Variants in CADM2 observed in about 807,000 individuals in gnomAD.
CADM2 encodes cell adhesion molecule 2, also known as immunoglobulin superfamily member 4D.
CADM2 carries 12 observed loss-of-function variants against 49.8 expected under a neutral mutation model. The ratio of observed to expected loss-of-function variants is 0.24; its 90% CI spans 0.15 to 0.39. The LOEUF (loss-of-function observed/expected upper bound fraction) is 0.39. Ranked by LOEUF, CADM2 falls within the 10% of genes least tolerant of loss-of-function variation. The pLI is 1.00. For synonymous variants in CADM2, 214 were observed against 175.4 expected, an observed-to-expected ratio of 1.22 and a Z score of -1.74; for missense variants, 378 against 492.3, an observed-to-expected ratio of 0.77 and a Z score of 2.20.
intron 5 of CADM2, among the ~76,000 whole-genome samples, chr3:85,910,192 A>T (rs1717398940): frequency 6.6e-6 from 1 of 152,190 alleles, no homozygotes. Flanking sequence ...TATAAAAAGT[A>T]AACAACCAGC....
chr3:85,144,096 C>G (rs546304187), intron 1 of CADM2, among the ~76,000 whole-genome samples: 2 of 152,180 alleles, frequency 1.3e-5, no homozygotes, highest in East Asian at 3.9e-4. Flanking sequence ...TTCTACTGCA[C>G]CAAAAACGTT....
intron 3 of CADM2, among the ~76,000 whole-genome samples, chr3:85,867,067 C>A (rs949255894): frequency 2.0e-5 from 3 of 151,900 alleles, no homozygotes; most frequent in Admixed American, 2.0e-4. Flanking sequence ...ACTATAAATT[C>A]CCTTATTATT....
rs139991757 is a variant in CADM2 at position 85,765,324 on chromosome 3, T to C, written c.89-36723T>C. Among the ~76,000 whole-genome samples, 226 of 152,232 alleles carry C rather than the reference T, an allele frequency of 1.5e-3. 1 individual carries two copies. Among genetic ancestry groups the C allele is most frequent in the African/African-American group, 5.1e-3 (213 of 41,584 alleles). On this transcript the variant is annotated intron_variant, in intron 2 of 9. Transcript: ENST00000383699. ...TAAAATATTAAACCTTTCGAACTCC[T>C]GCTTAATTGAGGATTCATTAATGTT...
At chr3:85,243,224 TTTAA>T (rs1443208423) in intron 1 of CADM2, among the ~76,000 whole-genome samples, 2 of 151,958 alleles carry the variant, frequency 1.3e-5, no homozygotes, top group Non-Finnish European at 2.9e-5. Flanking sequence ...TACATTTGAT[TTTAA>T]TTAGTTGTTA....
intron 1 of CADM2, among the ~76,000 whole-genome samples, chr3:85,297,069 T>G (rs1293463624): frequency 6.6e-6 from 1 of 152,088 alleles, no homozygotes; most frequent in African/African-American, 2.4e-5. Flanking sequence ...CTTATAAATC[T>G]TTGTATACTC....
At chr3:85,369,964 T>C (rs1400595265) in intron 1 of CADM2, among the ~76,000 whole-genome samples, 3 of 151,578 alleles carry the variant, frequency 2.0e-5, no homozygotes, top group Non-Finnish European at 4.4e-5. Flanking sequence ...AAAGAGATGT[T>C]TTTAATTAAA....
intron 1 of CADM2, among the ~76,000 whole-genome samples, chr3:85,044,222 A>T (rs2035558714): frequency 6.6e-6 from 1 of 152,198 alleles, no homozygotes; most frequent in Non-Finnish European, 1.5e-5. Context: ...ATGGGTGAGA[A>T]GAAGCATGTT....
At chr3:85,223,596 A>C (rs1293982475) in intron 1 of CADM2, among the ~76,000 whole-genome samples, 1 of 151,910 alleles carries the variant, frequency 6.6e-6, no homozygotes, top group Non-Finnish European at 1.5e-5. Context: ...TTTATGTTTT[A>C]TTTTTATTTT....
intron 8 of CADM2, among the ~76,000 whole-genome samples, chr3:86,040,885 G>C (rs914971615): frequency 1.3e-5 from 2 of 152,146 alleles, no homozygotes; most frequent in Non-Finnish European, 2.9e-5. Flanking sequence ...CTGATCTCTT[G>C]GCAGAAACTC....
intron 1 of CADM2, among the ~76,000 whole-genome samples, chr3:85,152,094 T>C (rs1156859707): frequency 6.6e-6 from 1 of 152,208 alleles, no homozygotes; most frequent in Admixed American, 6.5e-5. Flanking sequence ...TTTCTTATTT[T>C]CTCTCTTCTC....
chr3:85,941,538 T>A (rs940561492), intron 7 of CADM2, among the ~76,000 whole-genome samples: 2 of 152,028 alleles, frequency 1.3e-5, no homozygotes, highest in African/African-American at 4.8e-5. Context: ...GAACCTCAGT[T>A]GGGGTAAAAT....
intron 1 of CADM2, among the ~76,000 whole-genome samples, chr3:85,406,512 C>A (rs1294664990): frequency 6.6e-6 from 1 of 152,148 alleles, no homozygotes; most frequent in Non-Finnish European, 1.5e-5. Context: ...ATAATCCTTG[C>A]TGTACGTGTT....
Position 85,936,122 on chromosome 3 carries a change from G to T in CADM2, c.791+265G>T, listed in dbSNP as rs79266219. 7.9e-3 allele frequency among the ~76,000 whole-genome samples: 1,197 copies of T among 151,716 alleles called. 6 individuals carry two copies. The highest frequency in any genetic ancestry group is 0.014 in the Middle Eastern group (4 of 294). On this transcript the variant is annotated intron_variant, in intron 7 of 9. Coordinates refer to ENST00000383699, the MANE Select transcript of CADM2 (RefSeq NM_001167675.2). Reference sequence around the variant, plus strand: ...CCAGTAAGATATTTTAACCTGAATGGAGTATATCAGTCACTGTTCATATCA... The same window carrying T: ...CCAGTAAGATATTTTAACCTGAATGTAGTATATCAGTCACTGTTCATATCA...
rs11918899 is a variant in CADM2 at position 85,409,427 on chromosome 3, A to C, written c.62-317095A>C. On this transcript the variant is annotated intron_variant, in intron 1 of 9. Transcript: ENST00000383699. ...ATCAAATAAAGGGATATTTGAGTTG[A>C]GTCTTAAGGAATACTAAGAAGTTTG... Among the ~76,000 whole-genome samples the C allele has an allele frequency of 4.6e-5, 7 of 152,026 alleles. No homozygotes were observed. The South Asian group carries it at 1.5e-3, about 32-fold the overall frequency.
chr3:85,913,173 A>G (rs1024243542), intron 6 of CADM2, among the ~76,000 whole-genome samples: 1 of 152,210 alleles, frequency 6.6e-6, no homozygotes, highest in Non-Finnish European at 1.5e-5. Context: ...CACAAGATAC[A>G]CACAAGGATT....
rs549708439 is a variant in CADM2 at position 85,407,567 on chromosome 3, A to G, written c.62-318955A>G. Among the ~76,000 whole-genome samples, 8 of 152,226 alleles carry G rather than the reference A, an allele frequency of 5.3e-5. 1 individual carries two copies. The South Asian group carries it at 1.7e-3, about 32-fold the overall frequency. ...AAAACAACTCTGTTCCCTTTACCAA[A>G]TCATTTCTGCATGACTTTTTGCTCC... On this transcript the variant is annotated intron_variant, in intron 1 of 9. Transcript: ENST00000383699.
intron 1 of CADM2, among the ~76,000 whole-genome samples, chr3:84,986,093 CAT>C (rs1261922363): frequency 6.6e-6 from 1 of 152,164 alleles, no homozygotes; most frequent in African/African-American, 2.4e-5. Context: ...AGACATTTAA[CAT>C]AGAGAATTAG....
chr3:86,040,294 G>A (rs1735705474), intron 8 of CADM2, among the ~76,000 whole-genome samples: 1 of 152,104 alleles, frequency 6.6e-6, no homozygotes, highest in Non-Finnish European at 1.5e-5. Flanking sequence ...TGAGCTAAAG[G>A]AGGAAGTTCA....
At chr3:85,320,230 A>G (rs2107098535) in intron 1 of CADM2, among the ~76,000 whole-genome samples, 1 of 152,298 alleles carries the variant, frequency 6.6e-6, no homozygotes, top group African/African-American at 2.4e-5. Flanking sequence ...ACAGCAAAGA[A>G]TCATCTGGTC....
Sources: allele counts gnomAD v4.1 joint callset (sites outside exome capture counted in the v4.1 genomes callset), GRCh38; gene constraint gnomAD v4.1.1; transcripts MANE v1.5; gene names NCBI Gene and HGNC (gene_info 2026-07-23, HGNC 2026-07-21).